Variants in RELL1 observed in about 807,000 individuals in gnomAD.
RELL1 encodes RELT like 1.
In RELL1, 10 loss-of-function variants were observed where a neutral mutation model predicts 23.0. The ratio of observed to expected loss-of-function variants is 0.43; its 90% CI spans 0.27 to 0.74. The LOEUF (loss-of-function observed/expected upper bound fraction) is 0.74, where lower values mean the gene tolerates loss of function less well. RELL1 is among the 30% of genes least tolerant of loss of function. The probability of loss-of-function intolerance (pLI) is 0.19; values close to 1 mark genes in which losing one functional copy is unlikely to be tolerated. For synonymous variants in RELL1, 146 were observed against 146.8 expected (o/e 0.99, Z 0.04); for missense variants, 315 against 364.4 (o/e 0.86, Z 1.10).
At chr4:37,591,212 A>G in exon 7 of RELL1, 1 of 469,446 alleles carries the variant, frequency 2.1e-6, no homozygotes, top group Non-Finnish European at 3.8e-6. Flanking sequence ...GCTGTCATTC[A>G]GGACACTAGG....
chr4:37,676,557 T>C (rs180820365), intron 1 of RELL1, among the ~76,000 whole-genome samples: 115 of 152,326 alleles, frequency 7.5e-4, no homozygotes, highest in Non-Finnish European at 1.3e-3. Context: ...TATCACCTGA[T>C]AAGGTAGTAT....
chr4:37,619,419 G>T (rs1460814598), intron 6 of RELL1, among the ~76,000 whole-genome samples: 1 of 151,838 alleles, frequency 6.6e-6, no homozygotes, highest in Non-Finnish European at 1.5e-5. Flanking sequence ...CTGACCTCGT[G>T]ATCCACCTGC....
chr4:37,589,193 AC>A (rs1718471172), downstream of RELL1, among the ~76,000 whole-genome samples: 1 of 152,172 alleles, frequency 6.6e-6, no homozygotes, highest in South Asian at 2.1e-4. Flanking sequence ...AAAATAAATC[AC>A]CCCAATCACA....
At chr4:37,656,900 A>G (rs1721137321) in intron 1 of RELL1, among the ~76,000 whole-genome samples, 1 of 152,240 alleles carries the variant, frequency 6.6e-6, no homozygotes, top group South Asian at 2.1e-4. Context: ...TGTGAGCAAA[A>G]TAAACCTCTA....
chr4:37,633,238 G>A (rs566782180), intron 5 of RELL1, among the ~76,000 whole-genome samples: 9 of 151,844 alleles, frequency 5.9e-5, no homozygotes, highest in South Asian at 2.1e-4. Flanking sequence ...GTGAAACCCC[G>A]TCTCTCCTAA....
chr4:37,613,896 C>T (rs1046424978), intron 6 of RELL1, among the ~76,000 whole-genome samples: 2 of 152,222 alleles, frequency 1.3e-5, no homozygotes. Context: ...CTTTCTATAA[C>T]TATCTCATTT....
At chr4:37,623,142 T>C in intron 6 of RELL1, 1 of 304,624 alleles carries the variant, frequency 3.3e-6, no homozygotes, top group South Asian at 2.7e-5. Flanking sequence ...CCTCCATTGA[T>C]CTGAACTAGC....
Position 37,668,201 on chromosome 4 carries a change from A to AC in RELL1, c.88+17998dup, listed in dbSNP as rs532626099. Among the ~76,000 whole-genome samples the AC allele has an allele frequency of 1.1e-3, 155 of 143,988 alleles. No homozygotes were observed. The East Asian group carries it at 0.013, about 12-fold the overall frequency. 94.5% of individuals were successfully genotyped at this position (143,988 alleles called of 152,430 possible). A position where few individuals can be genotyped will look rare whatever the true frequency, so the allele number is the denominator to read the frequency against. ...AGGAGGTATGCACAGAAAAAAAGGA[A>AC]CCCCCTCCCCCTCCCCCTCCCCCTC... On this transcript the variant is annotated intron_variant, in intron 1 of 6. Transcript: ENST00000454158.
intron 6 of RELL1, among the ~76,000 whole-genome samples, chr4:37,614,838 G>T (rs1378013829): frequency 2.0e-5 from 3 of 152,124 alleles, no homozygotes; most frequent in African/African-American, 7.2e-5. Context: ...AACGTCAAAG[G>T]TGGGGGATGT....
chr4:37,668,716 A>C (rs1577603993), intron 1 of RELL1, among the ~76,000 whole-genome samples: 1 of 123,390 alleles, frequency 8.1e-6, no homozygotes. Flanking sequence ...CTGGCTGCCC[A>C]GTCTGGAAAG....
chr4:37,657,779 G>A (rs911029509), intron 1 of RELL1, among the ~76,000 whole-genome samples: 1 of 152,198 alleles, frequency 6.6e-6, no homozygotes, highest in South Asian at 2.1e-4. Context: ...AGGAGTGCTT[G>A]TGCACACCTG....
chr4:37,613,235 C>T lies in RELL1; in HGVS notation c.*111G>A, dbSNP rs560356974. 7.2e-5 allele frequency: 11 copies of T among 152,300 alleles called. No individual in the cohort carries two copies. The South Asian group carries it at 2.1e-3, about 29-fold the overall frequency. 9.4% of individuals were successfully genotyped at this position (152,300 alleles called of 1,614,324 possible). ...AATATTCCCTTTTAGGTTTTATCCA[C>T]GTGCCTGCTGACTCCATGATAGAAA... On this transcript the variant is annotated 3_prime_UTR_variant, in exon 7 of 7. Coordinates refer to ENST00000454158, the MANE Select transcript of RELL1 (RefSeq NM_001085400.2).
chr4:37,617,905 G>T (rs1307275416), intron 6 of RELL1, among the ~76,000 whole-genome samples: 4 of 152,206 alleles, frequency 2.6e-5, no homozygotes, highest in Non-Finnish European at 4.4e-5. Flanking sequence ...TTGTAATGAT[G>T]AGATGAATGC....
chr4:37,661,628 A>G (rs1303079509), intron 1 of RELL1, among the ~76,000 whole-genome samples: 1 of 152,226 alleles, frequency 6.6e-6, no homozygotes, highest in Non-Finnish European at 1.5e-5. Flanking sequence ...CAATAATAAA[A>G]GAAGAGAAAC....
intron 6 of RELL1, among the ~76,000 whole-genome samples, chr4:37,614,545 T>G (rs567639428): frequency 1.5e-4 from 23 of 152,266 alleles, no homozygotes; most frequent in African/African-American, 4.1e-4. Context: ...AACTGCAGAT[T>G]TTTACTGTAA....
intron 1 of RELL1, among the ~76,000 whole-genome samples, chr4:37,678,665 G>A (rs566493184): frequency 6.6e-6 from 1 of 152,350 alleles, no homozygotes; most frequent in Non-Finnish European, 1.5e-5. Context: ...GCTGTGATAG[G>A]TTAGTATCTG....
chr4:37,596,754 T>A (rs1425544013), intron 6 of RELL1, among the ~76,000 whole-genome samples: 5 of 81,666 alleles, frequency 6.1e-5, no homozygotes, highest in African/African-American at 1.7e-4. Context: ...TTTTTTTTTT[T>A]TTTTTTTTTT....
intron 6 of RELL1, among the ~76,000 whole-genome samples, chr4:37,597,358 T>G (rs540074570): frequency 6.6e-6 from 1 of 152,330 alleles, no homozygotes; most frequent in South Asian, 2.1e-4. Context: ...AGGAACAGGC[T>G]AATTAGAATA....
chr4:37,661,959 G>A (rs1721371401), intron 1 of RELL1, among the ~76,000 whole-genome samples: 1 of 152,124 alleles, frequency 6.6e-6, no homozygotes, highest in South Asian at 2.1e-4. Flanking sequence ...GCAGGGAGGG[G>A]ACACCCAGAT....
Sources: allele counts gnomAD v4.1 joint callset (sites outside exome capture counted in the v4.1 genomes callset), GRCh38; gene constraint gnomAD v4.1.1; transcripts MANE v1.5; gene names NCBI Gene and HGNC (gene_info 2026-07-23, HGNC 2026-07-21).